TMEM132B: variants seen among roughly 807,000 people sequenced by gnomAD.
TMEM132B encodes the protein transmembrane protein 132B.
Under a neutral mutation model 90.8 loss-of-function variants are expected in TMEM132B, and 18 were observed. That is an observed-to-expected ratio of 0.20 (90% CI 0.14 to 0.29). The LOEUF (loss-of-function observed/expected upper bound fraction) is 0.29. Among genes scored for constraint, TMEM132B ranks in the 10% least tolerant of loss-of-function variants. The probability of loss-of-function intolerance (pLI) is 1.00; values close to 1 mark genes in which losing one functional copy is unlikely to be tolerated. For synonymous variants in TMEM132B, 504 were observed against 523.3 expected, an observed-to-expected ratio of 0.96 and a Z score of 0.50; for missense variants, 1,096 against 1,326.8, an observed-to-expected ratio of 0.83 and a Z score of 2.70.
chr12:125,594,632 C>T (rs1248671014), intron 5 of TMEM132B, among the ~76,000 whole-genome samples: 1 of 152,160 alleles, frequency 6.6e-6, no homozygotes, highest in African/African-American at 2.4e-5. Context: ...CTAGCGATTA[C>T]TGATGTTGAG....
intron 1 of TMEM132B, among the ~76,000 whole-genome samples, chr12:125,298,900 A>AT (rs1335958446): frequency 6.6e-6 from 1 of 150,930 alleles, no homozygotes; most frequent in African/African-American, 2.4e-5. Context: ...CGCACGGCTA[A>AT]TTTTTTGTAT....
chr12:125,523,401 A>G (rs1488145642), intron 4 of TMEM132B, among the ~76,000 whole-genome samples: 1 of 151,802 alleles, frequency 6.6e-6, no homozygotes, highest in Admixed American at 6.6e-5. Context: ...CCATCATTGT[A>G]TCACCTTCTC....
rs1879581580 is a variant in TMEM132B, at chr12:125,408,534, A to G, written c.960-6997A>G. ...TGCTGACATCTTGCTCTTGGACTTC[A>G]GCCTCCAGAACTGTGAGAAATAAAT... On this transcript the variant is annotated intron_variant, in intron 2 of 8. Transcript: ENST00000682704. The surrounding 1 kb of genome is among the most constrained non-coding windows in gnomAD (Gnocchi z 5.9). 1.3e-5 allele frequency among the ~76,000 whole-genome samples: 2 copies of G among 152,204 alleles called. No individual in the cohort carries two copies. Among genetic ancestry groups the G allele is most frequent in the Non-Finnish European group, 2.9e-5 (2 of 68,032 alleles).
intron 4 of TMEM132B, among the ~76,000 whole-genome samples, chr12:125,535,773 C>T (rs968330016): frequency 1.3e-5 from 2 of 152,168 alleles, no homozygotes; most frequent in Admixed American, 6.5e-5. Flanking sequence ...ACCTTTGATT[C>T]TGGAAAATGT....
chr12:125,304,705 C>T (rs1041137019), intron 1 of TMEM132B, among the ~76,000 whole-genome samples: 5 of 152,114 alleles, frequency 3.3e-5, no homozygotes, highest in Non-Finnish European at 5.9e-5. Flanking sequence ...GTGCTGCTTG[C>T]CTGTAGTCCC....
At chr12:125,324,466 A>T (rs1876507973) in intron 1 of TMEM132B, among the ~76,000 whole-genome samples, 1 of 152,224 alleles carries the variant, frequency 6.6e-6, no homozygotes, top group Non-Finnish European at 1.5e-5. Context: ...AGATTTTGCC[A>T]AATTATCAAT....
intron 1 of TMEM132B, among the ~76,000 whole-genome samples, chr12:125,286,532 ATAT>A (rs1048458268): frequency 6.6e-6 from 1 of 151,990 alleles, no homozygotes; most frequent in African/African-American, 2.4e-5. Flanking sequence ...AAAATAATAA[ATAT>A]TAGTTTTATA....
At chr12:125,366,331 G>A (rs1194376618) in intron 2 of TMEM132B, among the ~76,000 whole-genome samples, 1 of 152,146 alleles carries the variant, frequency 6.6e-6, no homozygotes, top group Non-Finnish European at 1.5e-5. Flanking sequence ...TAGTGCTGCA[G>A]TAAACGCAGG....
chr12:125,504,788 C>T (rs895165823), intron 3 of TMEM132B, among the ~76,000 whole-genome samples: 1 of 152,012 alleles, frequency 6.6e-6, no homozygotes, highest in African/African-American at 2.4e-5. Context: ...TGGAAGTACC[C>T]ATGCAGGGAA....
intron 2 of TMEM132B, among the ~76,000 whole-genome samples, chr12:125,356,129 C>G (rs1057059800): frequency 2.0e-5 from 3 of 152,078 alleles, no homozygotes; most frequent in Non-Finnish European, 4.4e-5. Flanking sequence ...TGAGAGAGGT[C>G]CTGGGAAGCT....
intron 3 of TMEM132B, among the ~76,000 whole-genome samples, chr12:125,477,849 G>C (rs1881929755): frequency 6.6e-6 from 1 of 152,124 alleles, no homozygotes; most frequent in South Asian, 2.1e-4. Flanking sequence ...GGGGCCAACT[G>C]ACACCTCATA....
intron 3 of TMEM132B, among the ~76,000 whole-genome samples, chr12:125,424,329 T>G (rs1373484891): frequency 2.6e-5 from 4 of 152,228 alleles, no homozygotes; most frequent in Admixed American, 2.0e-4. Flanking sequence ...CCTGCCTGTT[T>G]ACAGGGCTCC....
chr12:125,560,588 C>T (rs1429579220), intron 4 of TMEM132B, among the ~76,000 whole-genome samples: 6 of 150,370 alleles, frequency 4.0e-5, no homozygotes, highest in South Asian at 2.1e-4. Context: ...TTTGGGAGGC[C>T]GAGGCGGGTG....
intron 3 of TMEM132B, among the ~76,000 whole-genome samples, chr12:125,483,450 T>TA (rs200153167): frequency 7.9e-5 from 12 of 151,176 alleles, no homozygotes; most frequent in Admixed American, 4.0e-4. Flanking sequence ...ACAATGTAAC[T>TA]AAAAAAAAAT....
intron 1 of TMEM132B, among the ~76,000 whole-genome samples, chr12:125,273,729 G>A (rs1449999601): frequency 2.6e-5 from 4 of 152,168 alleles, no homozygotes; most frequent in African/African-American, 7.2e-5. Flanking sequence ...GCAGTGGTGC[G>A]ATCTTGGCTC....
intron 4 of TMEM132B, 47 bp from the exon 5 acceptor site, chr12:125,583,804 T>C: frequency 6.2e-7 from 1 of 1,608,220 alleles, no homozygotes; most frequent in Non-Finnish European, 8.5e-7. Context: ...TGCTCGCCCC[T>C]GTGGTATGCA....
intron 2 of TMEM132B, among the ~76,000 whole-genome samples, chr12:125,370,048 C>A (rs1878248161): frequency 6.6e-6 from 1 of 151,934 alleles, no homozygotes; most frequent in Non-Finnish European, 1.5e-5. Context: ...GACTCCATCT[C>A]AAAAATAAAA....
At chr12:125,555,031 G>T (rs1490220817) in intron 4 of TMEM132B, among the ~76,000 whole-genome samples, 1 of 152,164 alleles carries the variant, frequency 6.6e-6, no homozygotes, top group East Asian at 1.9e-4. Context: ...GTCACCAAGA[G>T]AATGTGAAAT....
At chr12:125,316,254 A>G (rs1298494093) in intron 1 of TMEM132B, among the ~76,000 whole-genome samples, 1 of 152,158 alleles carries the variant, frequency 6.6e-6, no homozygotes, top group East Asian at 1.9e-4. Context: ...GGACAGTCCT[A>G]TGGGCAATTG....
Sources: allele counts gnomAD v4.1 joint callset (sites outside exome capture counted in the v4.1 genomes callset), GRCh38; gene constraint gnomAD v4.1.1; non-coding constraint Gnocchi (gnomAD v3.1); transcripts MANE v1.5; gene names NCBI Gene and HGNC (gene_info 2026-07-23, HGNC 2026-07-21).